Variants in SLC22A11 observed in about 807,000 individuals in gnomAD.
SLC22A11 encodes solute carrier family 22 member 11, also known as organic anion transporter 4.
Under a neutral mutation model 49.4 loss-of-function variants are expected in SLC22A11, and 42 were observed. That is an observed-to-expected ratio of 0.85 (90% CI 0.66 to 1.10). SLC22A11 has a LOEUF of 1.10. Among genes scored for constraint, SLC22A11 ranks in the 50% least tolerant of loss-of-function variants. The pLI is 0.00. For missense variants in SLC22A11, 685 were observed against 731.6 expected (o/e 0.94, Z 0.74); for synonymous variants, 304 against 315.8 (o/e 0.96, Z 0.40).
chr11:64,567,139 C>T (rs928553153), intron 6 of SLC22A11, among the ~76,000 whole-genome samples: 2 of 152,168 alleles, frequency 1.3e-5, no homozygotes, highest in Non-Finnish European at 2.9e-5. Context: ...GGGACAGGCT[C>T]TCCATCCTGA....
At position 64,569,664 on chromosome 11, in the gene SLC22A11, T is replaced by C. The variant is rs1479309716; in HGVS notation, c.1395T>C (p.Asp465=). The C allele has an allele frequency of 6.2e-7, 1 of 1,613,908 alleles. No individual in the cohort carries two copies. The highest frequency in any genetic ancestry group is 1.3e-5 in the African/African-American group (1 of 74,930). The change falls in exon 9 of 10, where the codon GAT becomes GAC. Residue 465 remains aspartate (D), a synonymous_variant. Transcript: ENST00000301891. ...CCTTCACCCACAGGATGACAGCAGATGGCATTCTGCATACAGTGGGCCGGC... is the reference window on the plus strand; with the variant it reads ...CCTTCACCCACAGGATGACAGCAGACGGCATTCTGCATACAGTGGGCCGGC... ...LFPTPVRMTA[D]GILHTVGRLG... is the part of the protein sequence containing the mutation.
At chr11:64,570,857 G>A in intron 9 of SLC22A11, 122 bp from the exon 10 acceptor site, 1 of 835,238 alleles carries the variant, frequency 1.2e-6, no homozygotes, top group Non-Finnish European at 2.0e-6. Flanking sequence ...GTACACAGAA[G>A]GGAGTAAAAG....
rs1039584344 is a variant in SLC22A11 at position 64,562,862 on chromosome 11, T to A, written c.821+427T>A. Among the ~76,000 whole-genome samples the A allele has an allele frequency of 6.6e-5, 10 of 152,206 alleles. No homozygotes were observed. Among genetic ancestry groups the A allele is most frequent in the African/African-American group, 2.2e-4 (9 of 41,448 alleles). ...GCTCTCCCGGTCCCCAAGGCCCCACTGCCGCTGTCCCCTGGGCTGAGGCTG... is the reference window on the plus strand; with the variant it reads ...GCTCTCCCGGTCCCCAAGGCCCCACAGCCGCTGTCCCCTGGGCTGAGGCTG... On this transcript the variant is annotated intron_variant, in intron 4 of 9. Coordinates refer to ENST00000301891, the MANE Select transcript of SLC22A11 (RefSeq NM_018484.4). This position sits in a 1 kb window ranked among gnomAD's most constrained non-coding sequence, Gnocchi z 4.4.
rs1287522207 is a variant in SLC22A11 at position 64,562,621 on chromosome 11, G to A, written c.821+186G>A. Among the ~76,000 whole-genome samples the A allele has an allele frequency of 3.9e-5, 6 of 152,190 alleles. No individual in the cohort carries two copies. Among genetic ancestry groups the A allele is most frequent in the African/African-American group, 9.6e-5 (4 of 41,454 alleles). The stretch of plus-strand genomic sequence containing the variant: ...AGTCCTGGGCTAAGTGTTGCAGCCC[G>A]AGGTCCGTGGCTCCCATCCAGCCCA... On this transcript the variant is annotated intron_variant, in intron 4 of 9. Coordinates refer to ENST00000301891, the MANE Select transcript of SLC22A11 (RefSeq NM_018484.4). The surrounding 1 kb of genome is among the most constrained non-coding windows in gnomAD (Gnocchi z 4.4).
At position 64,567,667 on chromosome 11, in the gene SLC22A11, T is replaced by A. The variant is rs973566920; in HGVS notation, c.1127T>A (p.Leu376His). 3 of 1,614,002 alleles carry A rather than the reference T, an allele frequency of 1.9e-6. No homozygotes were observed. The highest frequency in any genetic ancestry group is 3.3e-5 in the Admixed American group (2 of 60,014). The change falls in exon 7 of 10, where the codon CTC becomes CAC. Residue 376 changes from leucine to histidine, a missense_variant. Coordinates refer to ENST00000301891, the MANE Select transcript of SLC22A11 (RefSeq NM_018484.4). ...CAGAGCCTGGGCCGTGACATCTTCC[T>A]CCTCCAGGCCCTCTTCGGGGCCGTG... is the stretch of plus-strand genomic sequence containing the variant. ...DLQSLGRDIF[L>H]LQALFGAVDF...
rs1354202470 is a variant in SLC22A11 at position 64,565,987 on chromosome 11, A to G, written c.1058+650A>G. 5.7e-6 allele frequency: 1 copy of G among 176,182 alleles called. No individual in the cohort carries two copies. Among genetic ancestry groups the G allele is most frequent in the Admixed American group, 5.4e-5 (1 of 18,584 alleles). 10.9% of individuals were successfully genotyped at this position (176,182 alleles called of 1,614,324 possible). A position where few individuals can be genotyped will look rare whatever the true frequency, so the allele number is the denominator to read the frequency against. On this transcript the variant is annotated intron_variant, in intron 6 of 9. Transcript: ENST00000301891. This position sits in a 1 kb window ranked among gnomAD's most constrained non-coding sequence, Gnocchi z 4.1. Reference sequence around the variant, plus strand: ...AAATTCAGTTCCGGTGACATCCAAAAGAGCATATTAAAAAGCAAGGACCAG... The same window carrying G: ...AAATTCAGTTCCGGTGACATCCAAAGGAGCATATTAAAAAGCAAGGACCAG...
chr11:64,570,019 A>G (rs1417911823), intron 9 of SLC22A11, among the ~76,000 whole-genome samples, 161 bp downstream of exon 9: 4 of 152,244 alleles, frequency 2.6e-5, no homozygotes, highest in Non-Finnish European at 4.4e-5. Context: ...TATTATTACT[A>G]TCCCCATACT....
intron 1 of SLC22A11, among the ~76,000 whole-genome samples, chr11:64,556,812 C>T (rs552985921): frequency 2.0e-5 from 3 of 152,196 alleles, no homozygotes; most frequent in South Asian, 2.1e-4. Flanking sequence ...GATGAGGAAC[C>T]TGATCAATGT....
chr11:64,560,753 T>C (rs2038532414), intron 2 of SLC22A11, among the ~76,000 whole-genome samples: 1 of 152,204 alleles, frequency 6.6e-6, no homozygotes, highest in South Asian at 2.1e-4. Context: ...ACCCAGGGAC[T>C]GTGCTCCAGA....
intron 9 of SLC22A11, 84 bp from the exon 10 acceptor site, chr11:64,570,895 T>A (rs1436667768): frequency 1.5e-6 from 2 of 1,366,584 alleles, no homozygotes; most frequent in Admixed American, 3.4e-5. Flanking sequence ...TACCCCCCAA[T>A]AAGACTTGAC....
intron 1 of SLC22A11, among the ~76,000 whole-genome samples, chr11:64,557,500 A>C (rs939135198): frequency 5.9e-5 from 9 of 152,176 alleles, no homozygotes; most frequent in African/African-American, 2.2e-4. Context: ...CCCACAGAGC[A>C]AAGGTCATGC....
chr11:64,562,195 CG>C lies in SLC22A11; in HGVS notation c.652+42del. The C allele has an allele frequency of 6.2e-7, 1 of 1,606,014 alleles. No individual in the cohort carries two copies. The highest frequency in any genetic ancestry group is 8.5e-7 in the Non-Finnish European group (1 of 1,174,700). Reference sequence around the variant, plus strand: ...GCTCAGCGCGCTCCTGCCATGGGGGCGGGGGTGGCAGGAGAGAATGGGGCTC... The same window carrying C: ...GCTCAGCGCGCTCCTGCCATGGGGGCGGGGTGGCAGGAGAGAATGGGGCTC... On this transcript the variant is annotated intron_variant, in intron 3 of 9. Coordinates refer to ENST00000301891, the MANE Select transcript of SLC22A11 (RefSeq NM_018484.4). This position sits in a 1 kb window ranked among gnomAD's most constrained non-coding sequence, Gnocchi z 4.4.
At chr11:64,567,102 A>G (rs945724951) in intron 6 of SLC22A11, among the ~76,000 whole-genome samples, 4 of 151,784 alleles carry the variant, frequency 2.6e-5, no homozygotes, top group African/African-American at 9.7e-5. Flanking sequence ...CTCTCCCCAG[A>G]GAAGGGGCAG....
chr11:64,562,391 G>C lies in SLC22A11; in HGVS notation c.777G>C (p.Gln259His). The change falls in exon 4 of 10, where the codon CAG (glutamine) becomes CAC (histidine). Residue 259 changes from glutamine (Q) to histidine (H), a missense_variant. Transcript: ENST00000301891. This position sits in a 1 kb window ranked among gnomAD's most constrained non-coding sequence, Gnocchi z 4.4. ...AFALRDWRTLQLAASVPFFAI... is the reference protein window; with the variant it reads ...AFALRDWRTLHLAASVPFFAI... ...CCCTGCGGGACTGGAGGACTCTCCA[G>C]CTGGCAGCATCAGTGCCCTTCTTTG... 1.2e-6 allele frequency: 2 copies of C among 1,605,658 alleles called. No individual in the cohort carries two copies. The highest frequency in any genetic ancestry group is 1.7e-6 in the Non-Finnish European group (2 of 1,175,590).
At chr11:64,561,260 C>G (rs2038540105) in intron 2 of SLC22A11, among the ~76,000 whole-genome samples, 1 of 152,220 alleles carries the variant, frequency 6.6e-6, no homozygotes, top group Non-Finnish European at 1.5e-5. Flanking sequence ...TCTCGGCCTC[C>G]TTACTCCCTG....
chr11:64,570,846 G>C (rs2038693975), intron 9 of SLC22A11, 133 bp from the exon 10 acceptor site: 2 of 753,982 alleles, frequency 2.7e-6, no homozygotes, highest in Non-Finnish European at 4.5e-6. Context: ...GTCCCGCTTG[G>C]GTACACAGAA....
In SLC22A11 at chr11:64,571,727, G is replaced by GCCAAACACACCA. The variant is rs1025990635; in HGVS notation, c.*694_*705dup. On this transcript the variant is annotated 3_prime_UTR_variant, in exon 10 of 10. Coordinates refer to ENST00000301891, the MANE Select transcript of SLC22A11 (RefSeq NM_018484.4). ...TTCCAGCCCTATGGTTACGAAGACGGCCAAACACACCACCAAACACCAGAC... is the reference window on the plus strand; with the variant it reads ...TTCCAGCCCTATGGTTACGAAGACGGCCAAACACACCACCAAACACACCACCAAACACCAGAC... 2.6e-5 allele frequency: 4 copies of GCCAAACACACCA among 152,542 alleles called. No individual in the cohort carries two copies. The highest frequency in any genetic ancestry group is 9.6e-5 in the African/African-American group (4 of 41,468). 9.4% of individuals were successfully genotyped at this position (152,542 alleles called of 1,614,324 possible).
chr11:64,560,693 T>C (rs1020637402), intron 2 of SLC22A11, among the ~76,000 whole-genome samples: 3 of 152,226 alleles, frequency 2.0e-5, no homozygotes, highest in Non-Finnish European at 4.4e-5. Context: ...TGACGATGCC[T>C]GGCTGGCTCA....
At chr11:64,566,033 C>T (rs2038620325) in intron 6 of SLC22A11, 1 of 162,310 alleles carries the variant, frequency 6.2e-6, no homozygotes, top group South Asian at 1.7e-4. Context: ...TGGCTCAAGC[C>T]TGTAATCCCT....
Sources: gnomAD v4.1 joint callset for allele counts (sites outside exome capture counted in the v4.1 genomes callset) on GRCh38, gnomAD v4.1.1 for gene constraint, Gnocchi (gnomAD v3.1) non-coding constraint, MANE v1.5 for transcripts, NCBI Gene and HGNC (gene_info 2026-07-23, HGNC 2026-07-21) for gene names.